DMD: variants seen among roughly 807,000 people sequenced by gnomAD.
DMD encodes the protein mutant dystrophin.
In DMD, 63 loss-of-function variants were observed where a neutral mutation model predicts 330.1. The observed-to-expected ratio is 0.19, with a 90% CI of 0.16 to 0.24. DMD has a LOEUF of 0.24. DMD is among the 10% of genes least tolerant of loss of function. The pLI is 1.00. For synonymous variants in DMD, 1,223 were observed against 959.8 expected (o/e 1.27, Z -5.07); for missense variants, 3,344 against 2,684.1 (o/e 1.25, Z -5.43).
At chrX:31,539,355 C>G (rs995840565) in intron 55 of DMD, among the ~76,000 whole-genome samples, 4 of 112,302 alleles carry the variant, frequency 3.6e-5, no homozygotes, top group African/African-American at 1.3e-4. Flanking sequence ...GGTTTCTGTA[C>G]TTCTAGCCTA....
chrX:33,308,428 C>G (rs1181496559), intron 1 of DMD, among the ~76,000 whole-genome samples: 1 of 112,166 alleles, frequency 8.9e-6, no homozygotes, highest in Non-Finnish European at 1.9e-5. Context: ...AATCGTCTAA[C>G]TTTAAATAAA....
At chrX:32,145,527 A>T (rs2096774303) in intron 44 of DMD, among the ~76,000 whole-genome samples, 1 of 112,314 alleles carries the variant, frequency 8.9e-6, no homozygotes, top group Non-Finnish European at 1.9e-5. Flanking sequence ...ACTGTGAGAG[A>T]ACTATATTAA....
At chrX:31,234,910 T>G (rs924984895) in intron 63 of DMD, among the ~76,000 whole-genome samples, 1 of 110,860 alleles carries the variant, frequency 9.0e-6, no homozygotes, top group African/African-American at 3.3e-5. Context: ...GGAAAACTAC[T>G]AAGAGAAAGC....
At chrX:32,125,287 A>T (rs1288617682) in intron 44 of DMD, among the ~76,000 whole-genome samples, 7 of 111,743 alleles carry the variant, frequency 6.3e-5, no homozygotes, top group Non-Finnish European at 1.1e-4. Context: ...TGAGAAGGTT[A>T]AATCAGTAGG....
chrX:32,770,731 G>A (rs1012122952), intron 7 of DMD, among the ~76,000 whole-genome samples: 41 of 111,634 alleles, frequency 3.7e-4, no homozygotes, highest in African/African-American at 1.3e-3. Flanking sequence ...AGATATAGCA[G>A]TGAATAAAAT....
intron 55 of DMD, among the ~76,000 whole-genome samples, chrX:31,587,190 T>C (rs1053011412): frequency 9.0e-6 from 1 of 110,873 alleles, no homozygotes; most frequent in South Asian, 3.7e-4. Flanking sequence ...GTTTTTTATT[T>C]AAAAAAATCA....
chrX:33,034,468 G>A lies in DMD; in HGVS notation c.32-14268C>T, dbSNP rs189316477. Among the ~76,000 whole-genome samples the A allele has an allele frequency of 2.7e-3, 297 of 111,535 alleles. 1 individual carries two copies. The highest frequency in any genetic ancestry group is 4.8e-3 in the Non-Finnish European group (254 of 53,090). On this transcript the variant is annotated intron_variant, in intron 1 of 78. Coordinates refer to ENST00000357033, the MANE Select transcript of DMD (RefSeq NM_004006.3). ...CCTGTAGAATAATGATAATAATATC[G>A]GTGTAGCTTTGTCATGAGCTTTGGA...
intron 2 of DMD, among the ~76,000 whole-genome samples, chrX:32,873,198 GT>G (rs2083132107): frequency 9.0e-6 from 1 of 110,869 alleles, no homozygotes; most frequent in African/African-American, 3.3e-5. Context: ...TTGCTCAAAT[GT>G]CAGGGGAATA....
At chrX:31,367,626 G>A (rs1569533693) in intron 60 of DMD, among the ~76,000 whole-genome samples, 1 of 111,565 alleles carries the variant, frequency 9.0e-6, no homozygotes, top group Non-Finnish European at 1.9e-5. Context: ...AACATGTATT[G>A]AGTGCGTGCT....
At chrX:32,824,802 G>A (rs962247704) in intron 4 of DMD, among the ~76,000 whole-genome samples, 2 of 111,669 alleles carry the variant, frequency 1.8e-5, no homozygotes, top group Non-Finnish European at 3.8e-5. Flanking sequence ...GAATACTATT[G>A]GTGGTTTTAT....
At chrX:32,655,735 G>C (rs1227258626) in intron 9 of DMD, among the ~76,000 whole-genome samples, 1 of 111,370 alleles carries the variant, frequency 9.0e-6, no homozygotes, top group African/African-American at 3.3e-5. Flanking sequence ...TGTTGTCAGT[G>C]GGGTGTTAAA....
chrX:32,791,928 G>A (rs1219512357), intron 7 of DMD, among the ~76,000 whole-genome samples: 1 of 111,623 alleles, frequency 9.0e-6, no homozygotes, highest in Non-Finnish European at 1.9e-5. Flanking sequence ...TCTTGTCCAT[G>A]ACACATTATA....
intron 29 of DMD, among the ~76,000 whole-genome samples, chrX:32,437,367 G>A (rs773141578): frequency 1.9e-4 from 21 of 111,900 alleles, no homozygotes; most frequent in Non-Finnish European, 3.0e-4. Context: ...TACTCAAGGC[G>A]TTCCTTTTCA....
chrX:32,579,092 G>C (rs1434554314), intron 13 of DMD, among the ~76,000 whole-genome samples: 2 of 111,328 alleles, frequency 1.8e-5, no homozygotes, highest in Non-Finnish European at 3.8e-5. Context: ...ATGTGGCAGA[G>C]TCCTACTGAA....
intron 51 of DMD, among the ~76,000 whole-genome samples, chrX:31,745,967 G>A (rs1302147239): frequency 9.0e-6 from 1 of 111,343 alleles, no homozygotes; most frequent in Non-Finnish European, 1.9e-5. Flanking sequence ...ACGTATTGCT[G>A]CACTAGACCT....
intron 51 of DMD, among the ~76,000 whole-genome samples, chrX:31,746,868 T>G (rs766349782): frequency 9.0e-6 from 1 of 110,967 alleles, no homozygotes; most frequent in South Asian, 4.0e-4. Context: ...ATCCTAAATT[T>G]GCATCAAAAT....
At chrX:32,115,415 T>C (rs772853313) in intron 44 of DMD, among the ~76,000 whole-genome samples, 76 of 109,088 alleles carry the variant, frequency 7.0e-4, no homozygotes, top group African/African-American at 1.6e-3. Context: ...TTTGCGCGCG[T>C]GTGTGTGTGT....
At chrX:32,252,609 TA>T (rs1398519819) in intron 43 of DMD, among the ~76,000 whole-genome samples, 3 of 79,972 alleles carry the variant, frequency 3.8e-5, no homozygotes, top group African/African-American at 1.5e-4. Context: ...TAAACATATA[TA>T]AATAAATATA....
At chrX:32,743,229 A>G (rs1399450362) in intron 7 of DMD, among the ~76,000 whole-genome samples, 3 of 111,380 alleles carry the variant, frequency 2.7e-5, no homozygotes, top group African/African-American at 9.8e-5. Context: ...TCTTCAAAGG[A>G]TAAGTCTGAG....
Sources: allele counts gnomAD v4.1 joint callset (sites outside exome capture counted in the v4.1 genomes callset), GRCh38; gene constraint gnomAD v4.1.1; transcripts MANE v1.5; gene names NCBI Gene and HGNC (gene_info 2026-07-23, HGNC 2026-07-21).